The following ZNF467 variants were observed in gnomAD, a reference collection of about 807,000 sequenced individuals.
The protein encoded by ZNF467 is zinc finger protein 467.
A neutral mutation model predicts 47.8 loss-of-function variants in ZNF467; 51 were observed. The observed-to-expected ratio is 1.07, with a 90% CI of 0.85 to 1.35. The LOEUF is 1.35. Ranked by LOEUF, ZNF467 falls within the 40% of genes most tolerant of loss-of-function variation. ZNF467 has a pLI of 0.00. For synonymous variants in ZNF467, 416 were observed against 372.9 expected (o/e 1.12, Z -1.33); for missense variants, 992 against 858.1 (o/e 1.16, Z -1.95).
At chr7:149,768,183 C>A (rs1411483524) in intron 4 of ZNF467, among the ~76,000 whole-genome samples, 2 of 152,218 alleles carry the variant, frequency 1.3e-5, no homozygotes, top group East Asian at 1.9e-4. Context: ...TTATACTGTT[C>A]TTTTAATTCT....
At position 149,765,267 on chromosome 7, in the gene ZNF467, C is replaced by A; in HGVS notation, c.1235G>T (p.Cys412Phe). Residue 412 changes from cysteine to phenylalanine, a missense_variant, in exon 5 of 5, where the codon TGC becomes TTC. Coordinates refer to ENST00000302017, the MANE Select transcript of ZNF467 (RefSeq NM_207336.3). ...CACCACGGGATCGGATCCTGGGCCG[C>A]AGCCCGGTCCGCCAGGCGCGCTGGC... ...PLASAPGGPG[C>F]GPGSDPVVPQ... The A allele has an allele frequency of 3.4e-6, 5 of 1,459,918 alleles. No individual in the cohort carries two copies. Among genetic ancestry groups the A allele is most frequent in the Non-Finnish European group, 4.5e-6 (5 of 1,106,606 alleles). 90.4% of individuals were successfully genotyped at this position (1,459,918 alleles called of 1,614,324 possible).
At chr7:149,771,931 T>G (rs1452345322) in intron 1 of ZNF467, among the ~76,000 whole-genome samples, 5 of 90,714 alleles carry the variant, frequency 5.5e-5, no homozygotes, top group African/African-American at 1.8e-4. Context: ...CCGCCTCCCC[T>G]GACCCTACGC....
rs904493677 is a variant in ZNF467, at chr7:149,764,592, A to G, written c.*122T>C. The G allele has an allele frequency of 3.3e-6, 5 of 1,509,306 alleles. No individual in the cohort carries two copies. Among genetic ancestry groups the G allele is most frequent in the Middle Eastern group, 1.7e-4 (1 of 5,962 alleles). The allele number at this position is 1,509,306 out of a possible 1,614,324, so 93.5% of individuals were successfully genotyped here. ...GACGCAGACACTGCGGGAAGGAAAC[A>G]GGTGTCCCGCGGCGGCCAAACCTTC... On this transcript the variant is annotated 3_prime_UTR_variant, in exon 5 of 5. Transcript: ENST00000302017.
At chr7:149,776,237 T>C, upstream of ZNF467, 5 of 1,044,852 alleles carry the variant, frequency 4.8e-6, no homozygotes, top group Non-Finnish European at 6.4e-6. Flanking sequence ...TCTCCCTACC[T>C]TAGCATCCTC....
In ZNF467 at chr7:149,766,892, C is replaced by T. The variant is rs117080876; in HGVS notation, c.263-653G>A. Among the ~76,000 whole-genome samples the T allele has an allele frequency of 5.3e-5, 8 of 152,338 alleles. No homozygotes were observed. The East Asian group carries it at 1.5e-3, about 29-fold the overall frequency. On this transcript the variant is annotated intron_variant, in intron 4 of 4. Coordinates refer to ENST00000302017, the MANE Select transcript of ZNF467 (RefSeq NM_207336.3). ...ACTCCCTTCTTTCCTGCTGGACAGC[C>T]TGAGGAGAAGTCCCATTTAGGAAGA...
At position 149,765,326 on chromosome 7, in the gene ZNF467, G is replaced by C. The variant is rs1341755169; in HGVS notation, c.1176C>G (p.Gly392=). The change falls in exon 5 of 5, where the codon GGC becomes GGG. Residue 392 remains glycine (G), a synonymous_variant. Coordinates refer to ENST00000302017, the MANE Select transcript of ZNF467 (RefSeq NM_207336.3). ...TGGCGGCGGGGGCATCCACGGTGGCGCCCAGTGCGCACTCATCGCACCCAA... is the reference window on the plus strand; with the variant it reads ...TGGCGGCGGGGGCATCCACGGTGGCCCCCAGTGCGCACTCATCGCACCCAA... ...RPFGCDECAL[G]ATVDAPAAKP... is the part of the protein sequence containing the mutation. 6.7e-7 allele frequency: 1 copy of C among 1,490,372 alleles called. No individual in the cohort carries two copies. Among genetic ancestry groups the C allele is most frequent in the African/African-American group, 1.4e-5 (1 of 71,668 alleles). 92.3% of individuals were successfully genotyped at this position (1,490,372 alleles called of 1,614,324 possible).
chr7:149,765,753 C>T lies in ZNF467; in HGVS notation c.749G>A (p.Gly250Asp). ...GERPYPCAEC[G>D]KRFSQKIHLG... ...GTGGATCTTCTGGCTGAAGCGCTTG[C>T]CGCACTCCGCGCACGGGTAGGGCCG... The change falls in exon 5 of 5, where the codon GGC (glycine) becomes GAC (aspartate). Residue 250 changes from glycine (G) to aspartate (D), a missense_variant. Coordinates refer to ENST00000302017, the MANE Select transcript of ZNF467 (RefSeq NM_207336.3). 6.2e-7 allele frequency: 1 copy of T among 1,611,790 alleles called. No homozygotes were observed. Among genetic ancestry groups the T allele is most frequent in the Non-Finnish European group, 8.5e-7 (1 of 1,179,250 alleles).
chr7:149,776,452 T>C, upstream of ZNF467: 2 of 1,344,998 alleles, frequency 1.5e-6, no homozygotes, highest in Non-Finnish European at 2.0e-6. Context: ...CCGCCTGGGC[T>C]GGCGGCTGGA....
chr7:149,764,587 G>C lies in ZNF467; in HGVS notation c.*127C>G, dbSNP rs1425552425. On this transcript the variant is annotated 3_prime_UTR_variant, in exon 5 of 5. Transcript: ENST00000302017. The stretch of plus-strand genomic sequence containing the variant: ...GTGCGGACGCAGACACTGCGGGAAG[G>C]AAACAGGTGTCCCGCGGCGGCCAAA... 1.1e-5 allele frequency: 17 copies of C among 1,503,918 alleles called. No homozygotes were observed. The highest frequency in any genetic ancestry group is 1.5e-5 in the Non-Finnish European group (17 of 1,108,468). The allele number at this position is 1,503,918 out of a possible 1,614,324, so 93.2% of individuals were successfully genotyped here.
At chr7:149,776,036 G>A, upstream of ZNF467, 1 of 1,365,424 alleles carries the variant, frequency 7.3e-7, no homozygotes, top group Non-Finnish European at 9.8e-7. Flanking sequence ...TGGGGGTGAG[G>A]GCACCATGCT....
rs1040007292 is a variant in ZNF467, at chr7:149,769,166, G to T, written c.186C>A (p.His62Gln). Residue 62 changes from histidine (H) to glutamine (Q), a missense_variant, in exon 4 of 5, where the codon CAC becomes CAA. His to Gln is a conservative substitution (Grantham distance 24). Coordinates refer to ENST00000302017, the MANE Select transcript of ZNF467 (RefSeq NM_207336.3). The surrounding 1 kb of genome is among the most constrained non-coding windows in gnomAD (Gnocchi z 5.3). ...TGCAGGGAGCCTCGGCTTGTTCTGT[G>T]TGGGCACCTTCCTCCGGTGTAGGGG... ...HEAPTPEEGA[H>Q]TEQAEAPCRG... is the part of the protein sequence containing the mutation. 6.4e-7 allele frequency: 1 copy of T among 1,562,344 alleles called. No homozygotes were observed. Among genetic ancestry groups the T allele is most frequent in the Non-Finnish European group, 8.7e-7 (1 of 1,152,308 alleles).
In ZNF467 at chr7:149,765,731, G is replaced by A. The variant is rs757736294; in HGVS notation, c.771C>T (p.Ile257=). Residue 257 remains isoleucine, a synonymous_variant, in exon 5 of 5, where the codon ATC becomes ATT. Coordinates refer to ENST00000302017, the MANE Select transcript of ZNF467 (RefSeq NM_207336.3). ...AECGKRFSQK[I]HLGSHQKTHT... ...GGGTCTTTTGGTGCGAGCCCAGGTGGATCTTCTGGCTGAAGCGCTTGCCGC... is the reference window on the plus strand; with the variant it reads ...GGGTCTTTTGGTGCGAGCCCAGGTGAATCTTCTGGCTGAAGCGCTTGCCGC... 2 of 1,613,304 alleles carry A rather than the reference G, an allele frequency of 1.2e-6. No homozygotes were observed. The highest frequency in any genetic ancestry group is 1.7e-5 in the Admixed American group (1 of 59,988).
Position 149,764,303 on chromosome 7 carries a change from G to T in ZNF467, c.*411C>A. 1 of 505,044 alleles carries T rather than the reference G, an allele frequency of 2.0e-6. No individual in the cohort carries two copies. The highest frequency in any genetic ancestry group is 3.5e-6 in the Non-Finnish European group (1 of 287,860). The allele number at this position is 505,044 out of a possible 1,614,324, so 31.3% of individuals were successfully genotyped here. ...GGTGGTCTGTGTGTGGATGGAGGTG[G>T]GACAGTGGCTAAGGAGAGTCAGGTG... is the stretch of plus-strand genomic sequence containing the variant. On this transcript the variant is annotated 3_prime_UTR_variant, in exon 5 of 5. Coordinates refer to ENST00000302017, the MANE Select transcript of ZNF467 (RefSeq NM_207336.3).
At chr7:149,774,041 C>A (rs1005294088), upstream of ZNF467, among the ~76,000 whole-genome samples, 1 of 148,680 alleles carries the variant, frequency 6.7e-6, no homozygotes, top group African/African-American at 2.5e-5. This position sits in a 1 kb window ranked among gnomAD's most constrained non-coding sequence, Gnocchi z 5.7. Flanking sequence ...CTCCAGGGGG[C>A]AAGGCTGGGA....
At chr7:149,773,710 C>T (rs1281168190), upstream of ZNF467, among the ~76,000 whole-genome samples, 1 of 150,060 alleles carries the variant, frequency 6.7e-6, no homozygotes, top group African/African-American at 2.5e-5. Context: ...GCCAGCGAGT[C>T]GTGCGCTGCC....
intron 1 of ZNF467, among the ~76,000 whole-genome samples, chr7:149,771,402 A>G (rs1201533792): frequency 6.6e-6 from 1 of 152,066 alleles, no homozygotes; most frequent in Non-Finnish European, 1.5e-5. Context: ...AGTGCAGGCA[A>G]GATTCGATTC....
Position 149,769,257 on chromosome 7 carries a change from C to T in ZNF467, c.152-57G>A. On this transcript the variant is annotated intron_variant, in intron 3 of 4. Coordinates refer to ENST00000302017, the MANE Select transcript of ZNF467 (RefSeq NM_207336.3). This position sits in a 1 kb window ranked among gnomAD's most constrained non-coding sequence, Gnocchi z 5.3. ...GGAGACATCACAGATGGCCAAAGGG[C>T]CCCACTGGTGCTGGGAAGCAGGAGC... 6.9e-7 allele frequency: 1 copy of T among 1,448,430 alleles called. No individual in the cohort carries two copies. The allele number at this position is 1,448,430 out of a possible 1,614,324, so 89.7% of individuals were successfully genotyped here. A position where few individuals can be genotyped will look rare whatever the true frequency, so the allele number is the denominator to read the frequency against.
rs146272831 is a variant in ZNF467, at chr7:149,766,856, G to A, written c.263-617C>T. Among the ~76,000 whole-genome samples, 158 of 152,296 alleles carry A rather than the reference G, an allele frequency of 1.0e-3. 2 individuals are homozygous for A. Among genetic ancestry groups the A allele is most frequent in the African/African-American group, 3.4e-3 (141 of 41,558 alleles). ...GTGGCCACGGAACCAGGGTACCCAC[G>A]TATTCCTGCTACTCCCTTCTTTCCT... is the stretch of plus-strand genomic sequence containing the variant. On this transcript the variant is annotated intron_variant, in intron 4 of 4. Transcript: ENST00000302017.
At chr7:149,776,222 G>A, upstream of ZNF467, 3 of 1,037,802 alleles carry the variant, frequency 2.9e-6, no homozygotes, top group Non-Finnish European at 3.9e-6. Flanking sequence ...CTTCCCATGA[G>A]TGTCTCTCCC....
Sources: allele counts gnomAD v4.1 joint callset (sites outside exome capture counted in the v4.1 genomes callset), GRCh38; gene constraint gnomAD v4.1.1; non-coding constraint Gnocchi (gnomAD v3.1); transcripts MANE v1.5; gene names NCBI Gene and HGNC (gene_info 2026-07-23, HGNC 2026-07-21).